The following ZNRF2 variants were observed in gnomAD, a reference collection of about 807,000 sequenced individuals.
ZNRF2 encodes E3 ubiquitin-protein ligase ZNRF2.
In ZNRF2, 16 loss-of-function variants were observed where a neutral mutation model predicts 20.4. That is an observed-to-expected ratio of 0.79 (90% CI 0.53 to 1.19). ZNRF2 has a LOEUF of 1.19. Ranked by LOEUF, ZNRF2 falls within the 50% of genes most tolerant of loss-of-function variation. The pLI, the probability that ZNRF2 is intolerant of heterozygous loss-of-function variation, is 0.00. For synonymous variants in ZNRF2, 178 were observed against 144.9 expected (o/e 1.23, Z -1.64); for missense variants, 363 against 332.4 (o/e 1.09, Z -0.72).
At chr7:30,360,848 T>G (rs1421198942) in intron 3 of ZNRF2, among the ~76,000 whole-genome samples, 1 of 152,202 alleles carries the variant, frequency 6.6e-6, no homozygotes, top group East Asian at 1.9e-4. Context: ...ATATGTTGTT[T>G]TAGAATATAC....
intron 2 of ZNRF2, among the ~76,000 whole-genome samples, chr7:30,347,339 G>A (rs1799894172): frequency 6.6e-6 from 1 of 152,098 alleles, no homozygotes; most frequent in African/African-American, 2.4e-5. Context: ...ATTGTTCCTT[G>A]GAGCAGGGAG....
At chr7:30,314,018 A>G (rs1289146934) in intron 1 of ZNRF2, among the ~76,000 whole-genome samples, 3 of 152,144 alleles carry the variant, frequency 2.0e-5, no homozygotes, top group African/African-American at 7.2e-5. Flanking sequence ...ATGAGAGCTG[A>G]CCTGTCCTGT....
Position 30,365,706 on chromosome 7 carries a change from T to G in ZNRF2, c.*23-329T>G, listed in dbSNP as rs547616739. Among the ~76,000 whole-genome samples, 37 of 152,328 alleles carry G rather than the reference T, an allele frequency of 2.4e-4. 1 individual carries two copies. In the South Asian group the frequency reaches 6.4e-3, roughly 26 times the overall value. ...TTCTGATATCCTTCAGCATAAGAAT[T>G]TAATAATCAACCCAAAATAGAGAGA... On this transcript the variant is annotated intron_variant, in intron 4 of 4. Coordinates refer to ENST00000323037, the MANE Select transcript of ZNRF2 (RefSeq NM_147128.4).
At chr7:30,294,499 G>A (rs142017450) in intron 1 of ZNRF2, among the ~76,000 whole-genome samples, 43 of 152,146 alleles carry the variant, frequency 2.8e-4, no homozygotes, top group Admixed American at 4.6e-4. Context: ...ATATTGCACC[G>A]TGGCTGGGCA....
intron 1 of ZNRF2, chr7:30,289,939 C>A (rs771798900): frequency 1.9e-6 from 1 of 528,632 alleles, no homozygotes; most frequent in Non-Finnish European, 3.9e-6. Flanking sequence ...TAACTAAGTT[C>A]TTCTGATTAC....
In ZNRF2 at chr7:30,315,724, G is replaced by A. The variant is rs562370898; in HGVS notation, c.470-7918G>A. 3.8e-3 allele frequency among the ~76,000 whole-genome samples: 363 copies of A among 96,466 alleles called. 13 individuals are homozygous for A. Among genetic ancestry groups the A allele is most frequent in the African/African-American group, 0.012 (347 of 28,264 alleles). The allele number at this position is 96,466 out of a possible 152,430, so 63.3% of individuals were successfully genotyped here. ...TTGTCCCTAACTAAAGAAAAAGGTGGGGCGGGGGGGGGGGGGTTGGGTATA... is the reference window on the plus strand; with the variant it reads ...TTGTCCCTAACTAAAGAAAAAGGTGAGGCGGGGGGGGGGGGGTTGGGTATA... On this transcript the variant is annotated intron_variant, in intron 1 of 4. Transcript: ENST00000323037.
chr7:30,349,927 TA>T (rs1799938226), intron 2 of ZNRF2, among the ~76,000 whole-genome samples: 1 of 152,136 alleles, frequency 6.6e-6, no homozygotes. Flanking sequence ...TTTTAAGTTT[TA>T]GTTTATTGTT....
At chr7:30,310,873 T>G (rs1799281461) in intron 1 of ZNRF2, among the ~76,000 whole-genome samples, 1 of 152,032 alleles carries the variant, frequency 6.6e-6, no homozygotes, top group Admixed American at 6.6e-5. Context: ...TCCTGTCCTG[T>G]CCTGTCCTGT....
intron 1 of ZNRF2, among the ~76,000 whole-genome samples, chr7:30,313,700 G>A (rs1323172418): frequency 6.6e-6 from 1 of 151,632 alleles, no homozygotes; most frequent in Non-Finnish European, 1.5e-5. Flanking sequence ...TGGCACTGAG[G>A]CATCCTCCTA....
In ZNRF2 at chr7:30,367,292, C is replaced by T. The variant is rs1295144340; in HGVS notation, c.*1280C>T. 4 of 152,002 alleles carry T rather than the reference C, an allele frequency of 2.6e-5. No homozygotes were observed. Among genetic ancestry groups the T allele is most frequent in the African/African-American group, 9.7e-5 (4 of 41,292 alleles). 9.4% of individuals were successfully genotyped at this position (152,002 alleles called of 1,614,324 possible). The stretch of plus-strand genomic sequence containing the variant: ...AACAAAATTATGTTAATAAATATTC[C>T]CACATAATACATCTGAATGGTTAAA... On this transcript the variant is annotated 3_prime_UTR_variant, in exon 5 of 5. Coordinates refer to ENST00000323037, the MANE Select transcript of ZNRF2 (RefSeq NM_147128.4).
rs181634379 is a variant in ZNRF2 at position 30,292,407 on chromosome 7, G to A, written c.469+6581G>A. ...AATCACTCAAATATTTAATGAGGAC[G>A]CGCTTTTCCGGACACTATTCTGGGG... On this transcript the variant is annotated intron_variant, in intron 1 of 4. Transcript: ENST00000323037. Among the ~76,000 whole-genome samples, 6 of 152,104 alleles carry A rather than the reference G, an allele frequency of 3.9e-5. No individual in the cohort carries two copies. The South Asian group carries it at 8.3e-4, about 21-fold the overall frequency.
At chr7:30,330,635 A>G (rs1490239984) in intron 2 of ZNRF2, among the ~76,000 whole-genome samples, 6 of 152,116 alleles carry the variant, frequency 3.9e-5, no homozygotes, top group Non-Finnish European at 7.4e-5. Flanking sequence ...TTGAGGTACT[A>G]TTATAAGTTA....
chr7:30,302,318 A>C (rs1429352874), intron 1 of ZNRF2, among the ~76,000 whole-genome samples: 1 of 152,178 alleles, frequency 6.6e-6, no homozygotes, highest in South Asian at 2.1e-4. Context: ...AATGTTCTCT[A>C]ATATCATGCA....
chr7:30,324,498 G>A (rs1313125852), intron 2 of ZNRF2, among the ~76,000 whole-genome samples: 1 of 150,596 alleles, frequency 6.6e-6, no homozygotes, highest in African/African-American at 2.4e-5. Context: ...GTAGTGAGCC[G>A]AGATTGTGCC....
intron 2 of ZNRF2, among the ~76,000 whole-genome samples, chr7:30,340,045 G>T (rs1799771760): frequency 6.6e-6 from 1 of 151,470 alleles, no homozygotes; most frequent in African/African-American, 2.4e-5. Flanking sequence ...GTTAATTCAT[G>T]ATTTGGCTGT....
chr7:30,343,425 T>C (rs1269178547), intron 2 of ZNRF2, among the ~76,000 whole-genome samples: 9 of 152,204 alleles, frequency 5.9e-5, no homozygotes, highest in Admixed American at 5.9e-4. Flanking sequence ...TAAATTCACT[T>C]GATCGTCATG....
intron 1 of ZNRF2, among the ~76,000 whole-genome samples, chr7:30,305,428 G>A (rs1190877190): frequency 6.6e-6 from 1 of 152,058 alleles, no homozygotes; most frequent in African/African-American, 2.4e-5. Context: ...AGGGAGATAT[G>A]GCTTATTTTA....
intron 1 of ZNRF2, chr7:30,288,774 G>T (rs900190215): frequency 2.6e-5 from 4 of 152,222 alleles, no homozygotes; most frequent in Non-Finnish European, 5.9e-5. Flanking sequence ...GAGTGTTAAA[G>T]TGAACAGACG....
chr7:30,359,037 A>G (rs967627166), intron 3 of ZNRF2, among the ~76,000 whole-genome samples: 2 of 152,222 alleles, frequency 1.3e-5, no homozygotes, highest in African/African-American at 4.8e-5. Context: ...ATAGGAGAGA[A>G]AGAATGAACT....
Sources: gnomAD v4.1 joint callset for allele counts (sites outside exome capture counted in the v4.1 genomes callset) on GRCh38, gnomAD v4.1.1 for gene constraint, MANE v1.5 for transcripts, NCBI Gene and HGNC (gene_info 2026-07-23, HGNC 2026-07-21) for gene names.